CEP85L: variants seen among roughly 807,000 people sequenced by gnomAD.
CEP85L encodes centrosomal protein of 85 kDa-like.
Under a neutral mutation model 100.3 loss-of-function variants are expected in CEP85L, and 60 were observed. That is an observed-to-expected ratio of 0.60 (90% confidence interval 0.49 to 0.74). The LOEUF (loss-of-function observed/expected upper bound fraction) is 0.74, where lower values mean the gene tolerates loss of function less well. CEP85L is among the 30% of genes least tolerant of loss of function. The pLI, the probability that CEP85L is intolerant of heterozygous loss-of-function variation, is 0.00. For synonymous variants in CEP85L, 319 were observed against 322.7 expected, an observed-to-expected ratio of 0.99 and a Z score of 0.12; for missense variants, 973 against 936.2, an observed-to-expected ratio of 1.04 and a Z score of -0.51.
chr6:118,705,193 G>A (rs1387306896), intron 1 of CEP85L, among the ~76,000 whole-genome samples: 1 of 152,066 alleles, frequency 6.6e-6, no homozygotes, highest in African/African-American at 2.4e-5. Flanking sequence ...TCATGGGGCC[G>A]AACAGTCTCT....
At chr6:118,615,041 C>T (rs1772936733) in intron 2 of CEP85L, among the ~76,000 whole-genome samples, 1 of 152,232 alleles carries the variant, frequency 6.6e-6, no homozygotes, top group Middle Eastern at 3.4e-3. Flanking sequence ...AAGTGTAAAT[C>T]TAACAACATA....
At chr6:118,560,423 C>T (rs1357425510) in intron 3 of CEP85L, 1 of 166,786 alleles carries the variant, frequency 6.0e-6, no homozygotes, top group Non-Finnish European at 1.5e-5. Context: ...AGTGGGTCAA[C>T]ATAAAAGTCT....
At chr6:118,524,126 T>A (rs910653086) in intron 3 of CEP85L, among the ~76,000 whole-genome samples, 3 of 152,166 alleles carry the variant, frequency 2.0e-5, no homozygotes, top group Non-Finnish European at 2.9e-5. Flanking sequence ...TAATGAAGAA[T>A]TAATGACAAC....
At chr6:118,544,435 G>A (rs905805731) in intron 3 of CEP85L, among the ~76,000 whole-genome samples, 2 of 152,034 alleles carry the variant, frequency 1.3e-5, no homozygotes, top group African/African-American at 4.8e-5. Context: ...GTGTTATCTT[G>A]CACTAGTGGT....
intron 2 of CEP85L, among the ~76,000 whole-genome samples, chr6:118,595,902 T>G (rs1013633801): frequency 6.6e-6 from 1 of 152,130 alleles, no homozygotes; most frequent in South Asian, 2.1e-4. Context: ...CAAATAGTAA[T>G]AGTAATAAAG....
Position 118,463,937 on chromosome 6 carries a change from T to C in CEP85L, c.*1468A>G, listed in dbSNP as rs540751790. 6.6e-6 allele frequency: 1 copy of C among 152,274 alleles called. No homozygotes were observed. Among genetic ancestry groups the C allele is most frequent in the Admixed American group, 6.5e-5 (1 of 15,278 alleles). 9.4% of individuals were successfully genotyped at this position (152,274 alleles called of 1,614,324 possible). A position where few individuals can be genotyped will look rare whatever the true frequency, so the allele number is the denominator to read the frequency against. ...CTAGGAGAGCCTTTATTCTAGTATA[T>C]AAGAAAACAGGCATGTGCTATGCCC... On this transcript the variant is annotated 3_prime_UTR_variant, in exon 13 of 13. Transcript: ENST00000368491.
At chr6:118,507,949 G>A (rs1053226208) in intron 5 of CEP85L, among the ~76,000 whole-genome samples, 4 of 152,106 alleles carry the variant, frequency 2.6e-5, no homozygotes, top group African/African-American at 9.7e-5. Context: ...CATTCCTTGA[G>A]GGCAAAACCA....
chr6:118,467,686 T>C (rs1772632598), intron 12 of CEP85L, among the ~76,000 whole-genome samples: 1 of 152,180 alleles, frequency 6.6e-6, no homozygotes, highest in African/African-American at 2.4e-5. Context: ...TAGGAGACTC[T>C]AAAGTAATTA....
intron 4 of CEP85L, among the ~76,000 whole-genome samples, chr6:118,519,265 TCAA>T (rs1279112864): frequency 1.3e-5 from 2 of 151,492 alleles, no homozygotes; most frequent in African/African-American, 4.9e-5. Flanking sequence ...ACCAGCCTGG[TCAA>T]CATGGTGAAA....
At chr6:118,552,693 G>A (rs1447425576) in intron 3 of CEP85L, among the ~76,000 whole-genome samples, 1 of 149,400 alleles carries the variant, frequency 6.7e-6, no homozygotes, top group Non-Finnish European at 1.5e-5. Context: ...TACTTTTCTT[G>A]AGGAAAGGAC....
At chr6:118,651,597 C>A, upstream of CEP85L, 1 of 1,093,856 alleles carries the variant, frequency 9.1e-7, no homozygotes. Flanking sequence ...TCTCTCCGCC[C>A]CCTCCGCCGG....
At chr6:118,507,741 C>G (rs764506849) in intron 5 of CEP85L, among the ~76,000 whole-genome samples, 51 of 152,192 alleles carry the variant, frequency 3.4e-4, no homozygotes, top group Non-Finnish European at 6.3e-4. Context: ...TATTCCTTCA[C>G]CCCCTTCACC....
At chr6:118,562,225 G>T (rs760342160) in intron 3 of CEP85L, among the ~76,000 whole-genome samples, 1 of 151,768 alleles carries the variant, frequency 6.6e-6, no homozygotes, top group African/African-American at 2.4e-5. Flanking sequence ...ACAAAAATAA[G>T]AATAAAAATA....
At chr6:118,575,113 T>C (rs771996731) in intron 2 of CEP85L, among the ~76,000 whole-genome samples, 2 of 151,900 alleles carry the variant, frequency 1.3e-5, no homozygotes, top group Non-Finnish European at 1.5e-5. Context: ...TTAGGAGAGG[T>C]TGAGCTCCAC....
rs1414288933 is a variant in CEP85L, at chr6:118,463,449, C to T, written c.*1956G>A. On this transcript the variant is annotated 3_prime_UTR_variant, in exon 13 of 13. Transcript: ENST00000368491. ...AAAGAGAGTGTAAAAATATTTGCTGCACTTGTGGCTGATCTATTTTAGACG... is the reference window on the plus strand; with the variant it reads ...AAAGAGAGTGTAAAAATATTTGCTGTACTTGTGGCTGATCTATTTTAGACG... 3 of 151,966 alleles carry T rather than the reference C, an allele frequency of 2.0e-5. No individual in the cohort carries two copies. The highest frequency in any genetic ancestry group is 4.4e-5 in the Non-Finnish European group (3 of 67,916). The allele number at this position is 151,966 out of a possible 1,614,324, so 9.4% of individuals were successfully genotyped here.
At chr6:118,674,394 G>A (rs1358863778) in intron 1 of CEP85L, among the ~76,000 whole-genome samples, 1 of 152,086 alleles carries the variant, frequency 6.6e-6, no homozygotes, top group South Asian at 2.1e-4. Context: ...CATGGTGACA[G>A]GTGCCTGTAA....
At chr6:118,630,718 G>A (rs962459385) in intron 2 of CEP85L, among the ~76,000 whole-genome samples, 1 of 152,124 alleles carries the variant, frequency 6.6e-6, no homozygotes, top group African/African-American at 2.4e-5. Flanking sequence ...CCCTAATGCA[G>A]GGGTCCCCAA....
intron 3 of CEP85L, among the ~76,000 whole-genome samples, chr6:118,535,727 A>C (rs1053360972): frequency 1.3e-5 from 2 of 152,178 alleles, no homozygotes; most frequent in African/African-American, 4.8e-5. Context: ...TCAGTATCGC[A>C]GTATTTGTGT....
At position 118,566,342 on chromosome 6, in the gene CEP85L, T is replaced by A. The variant is rs768376715; in HGVS notation, c.233-26A>T. 5 of 1,559,412 alleles carry A rather than the reference T, an allele frequency of 3.2e-6. No homozygotes were observed. In the South Asian group the frequency reaches 4.7e-5, roughly 15 times the overall value. On this transcript the variant is annotated intron_variant, in intron 2 of 12. Transcript: ENST00000368491. ...CTGGAAAGAAAAAAGATGGTCAAAT[T>A]AGTTACAATTAACAGACAAAAGAGA...
Sources: gnomAD v4.1 joint callset for allele counts (sites outside exome capture counted in the v4.1 genomes callset) on GRCh38, gnomAD v4.1.1 for gene constraint, MANE v1.5 for transcripts, NCBI Gene and HGNC (gene_info 2026-07-23, HGNC 2026-07-21) for gene names.